STX8: variants seen among roughly 807,000 people sequenced by gnomAD.
STX8 encodes the protein syntaxin 8, also known as syntaxin-8.
In STX8, 23 loss-of-function variants were observed where a neutral mutation model predicts 37.5. That is an observed-to-expected ratio of 0.61 (90% CI 0.44 to 0.87). The LOEUF is 0.87. STX8 is among the 40% of genes least tolerant of loss of function. The probability of loss-of-function intolerance (pLI) is 0.00; values close to 1 mark genes in which losing one functional copy is unlikely to be tolerated. For missense variants in STX8, 313 were observed against 284.7 expected, an observed-to-expected ratio of 1.10 and a Z score of -0.71; for synonymous variants, 115 against 99.1, an observed-to-expected ratio of 1.16 and a Z score of -0.95.
rs1042569124 is a variant in STX8, at chr17:9,397,588, C to T, written c.542-18935G>A. On this transcript the variant is annotated intron_variant, in intron 6 of 7. Transcript: ENST00000306357. Reference sequence around the variant, plus strand: ...TACAGAAGCCAACTGGAAGAGTTCTCGATAACCAAAGGTGGAAGATTCTGA... The same window carrying T: ...TACAGAAGCCAACTGGAAGAGTTCTTGATAACCAAAGGTGGAAGATTCTGA... Among the ~76,000 whole-genome samples the T allele has an allele frequency of 9.9e-5, 15 of 152,130 alleles. No individual in the cohort carries two copies. In the South Asian group the frequency reaches 2.7e-3, roughly 27 times the overall value.
At chr17:9,517,719 C>T (rs1905193918) in intron 4 of STX8, among the ~76,000 whole-genome samples, 1 of 147,636 alleles carries the variant, frequency 6.8e-6, no homozygotes, top group African/African-American at 2.5e-5. Flanking sequence ...TTTGGAAGGC[C>T]AAGGCAGGAG....
At chr17:9,368,375 G>T (rs560159834) in intron 7 of STX8, among the ~76,000 whole-genome samples, 1 of 152,062 alleles carries the variant, frequency 6.6e-6, no homozygotes, top group African/African-American at 2.4e-5. Context: ...CTGGTGGGGG[G>T]TGCCTGCAGT....
intron 6 of STX8, among the ~76,000 whole-genome samples, chr17:9,433,355 A>G (rs1914042521): frequency 6.6e-6 from 1 of 152,234 alleles, no homozygotes; most frequent in African/African-American, 2.4e-5. Context: ...CTTTGTCGTG[A>G]GCACTTGCAT....
In STX8 at chr17:9,378,667, A is replaced by T. The variant is rs748220871; in HGVS notation, c.542-14T>A. ...CGTCAATTATCTCTAGAAAGGAAAC[A>T]TACATGATTACTATTCCTGAAATAC... On this transcript the variant is annotated splice_polypyrimidine_tract_variant and intron_variant, in intron 6 of 7. Coordinates refer to ENST00000306357, the MANE Select transcript of STX8 (RefSeq NM_004853.3). 1.3e-6 allele frequency: 2 copies of T among 1,588,476 alleles called. No homozygotes were observed. Among genetic ancestry groups the T allele is most frequent in the Non-Finnish European group, 1.7e-6 (2 of 1,156,916 alleles).
chr17:9,320,010 C>T (rs953952904), intron 7 of STX8, among the ~76,000 whole-genome samples: 2 of 151,474 alleles, frequency 1.3e-5, no homozygotes, highest in East Asian at 1.9e-4. Context: ...CTAGGAAATA[C>T]TAAAGGTGAT....
At chr17:9,401,681 C>T (rs948937344) in intron 6 of STX8, among the ~76,000 whole-genome samples, 16 of 152,184 alleles carry the variant, frequency 1.1e-4, no homozygotes, top group African/African-American at 3.1e-4. Context: ...AGGAACATCA[C>T]CTTGGTTTCT....
At chr17:9,524,836 G>A (rs1263482371) in intron 4 of STX8, among the ~76,000 whole-genome samples, 2 of 148,214 alleles carry the variant, frequency 1.3e-5, no homozygotes, top group Non-Finnish European at 3.0e-5. Context: ...GAGATGGGGT[G>A]TCACTCTGTC....
At chr17:9,350,156 G>A (rs1910659982) in intron 7 of STX8, among the ~76,000 whole-genome samples, 1 of 150,940 alleles carries the variant, frequency 6.6e-6, no homozygotes, top group African/African-American at 2.4e-5. Flanking sequence ...TGGATGTGAG[G>A]AGCAGATCAT....
At chr17:9,343,730 A>G (rs1416936060) in intron 7 of STX8, among the ~76,000 whole-genome samples, 1 of 151,792 alleles carries the variant, frequency 6.6e-6, no homozygotes, top group East Asian at 1.9e-4. Flanking sequence ...CCTGTTACCA[A>G]CTCAGCCAAC....
intron 7 of STX8, among the ~76,000 whole-genome samples, chr17:9,259,737 AGGGGTCACAGGAC>A (rs1261160748): frequency 2.0e-5 from 3 of 152,174 alleles, no homozygotes; most frequent in East Asian, 3.9e-4. Flanking sequence ...AGGTCAGAGC[AGGGGTCACAGGAC>A]GGGGTCACAG....
At chr17:9,530,982 T>G (rs968036539) in intron 4 of STX8, among the ~76,000 whole-genome samples, 12 of 152,254 alleles carry the variant, frequency 7.9e-5, no homozygotes, top group African/African-American at 2.9e-4. Context: ...TTGGAATTAT[T>G]TCTTATGTAG....
rs544998850 is a variant in STX8 at position 9,528,374 on chromosome 17, A to G, written c.323+16798T>C. Among the ~76,000 whole-genome samples, 185 of 152,254 alleles carry G rather than the reference A, an allele frequency of 1.2e-3. 2 individuals are homozygous for G. Among genetic ancestry groups the G allele is most frequent in the African/African-American group, 4.4e-3 (183 of 41,552 alleles). The stretch of plus-strand genomic sequence containing the variant: ...GTGCAGTGGCGCAATCTTGGCTCAC[A>G]GCAACCTCCGCCTCCCGAGTTCAAG... On this transcript the variant is annotated intron_variant, in intron 4 of 7. Coordinates refer to ENST00000306357, the MANE Select transcript of STX8 (RefSeq NM_004853.3).
chr17:9,350,601 C>T (rs1222254942), intron 7 of STX8, among the ~76,000 whole-genome samples: 4 of 151,998 alleles, frequency 2.6e-5, no homozygotes, highest in African/African-American at 4.8e-5. Flanking sequence ...GGCACGATCT[C>T]GGCTCACTGC....
At chr17:9,364,085 A>C (rs1911148234) in intron 7 of STX8, among the ~76,000 whole-genome samples, 1 of 152,220 alleles carries the variant, frequency 6.6e-6, no homozygotes, top group Non-Finnish European at 1.5e-5. Flanking sequence ...TGATGTGGTC[A>C]CATATAAACG....
chr17:9,519,270 C>G (rs1285304925), intron 4 of STX8, among the ~76,000 whole-genome samples: 3 of 152,178 alleles, frequency 2.0e-5, no homozygotes, highest in Non-Finnish European at 4.4e-5. Context: ...TATCCAAAAT[C>G]AAATTCATGA....
intron 7 of STX8, among the ~76,000 whole-genome samples, chr17:9,352,063 A>G (rs900730656): frequency 2.0e-5 from 3 of 149,918 alleles, no homozygotes; most frequent in African/African-American, 7.3e-5. Flanking sequence ...AGGCAGGAGG[A>G]TTGTTTGAGC....
intron 7 of STX8, among the ~76,000 whole-genome samples, chr17:9,264,400 G>T (rs1168173840): frequency 1.3e-5 from 2 of 152,184 alleles, no homozygotes; most frequent in Non-Finnish European, 2.9e-5. Context: ...CACCTTCTGA[G>T]CTCAAGTGAT....
intron 6 of STX8, among the ~76,000 whole-genome samples, chr17:9,460,193 T>TA (rs1200017813): frequency 2.0e-5 from 3 of 151,934 alleles, no homozygotes; most frequent in Non-Finnish European, 4.4e-5. Flanking sequence ...ATGAAAGGGT[T>TA]AAAAAAAACT....
intron 6 of STX8, among the ~76,000 whole-genome samples, chr17:9,450,504 G>A (rs544771736): frequency 6.6e-6 from 1 of 151,614 alleles, no homozygotes. Flanking sequence ...GTTAGAGATA[G>A]AATCTCCCTA....
Sources: allele counts gnomAD v4.1 joint callset (sites outside exome capture counted in the v4.1 genomes callset), GRCh38; gene constraint gnomAD v4.1.1; transcripts MANE v1.5; gene names NCBI Gene and HGNC (gene_info 2026-07-23, HGNC 2026-07-21).